YAF2: variants seen among roughly 807,000 people sequenced by gnomAD.
The protein encoded by YAF2 is YY1-associated factor 2.
Under a neutral mutation model 20.1 loss-of-function variants are expected in YAF2, and 7 were observed. The observed-to-expected ratio is 0.35, with a 90% CI of 0.20 to 0.65. The LOEUF (loss-of-function observed/expected upper bound fraction) is 0.65, where lower values mean the gene tolerates loss of function less well. Among genes scored for constraint, YAF2 ranks in the 30% least tolerant of loss-of-function variants. The pLI is 0.69. For missense variants in YAF2, 151 were observed against 219.2 expected, an observed-to-expected ratio of 0.69 and a Z score of 1.96; for synonymous variants, 74 against 76.0, an observed-to-expected ratio of 0.97 and a Z score of 0.14.
rs192275824 is a variant in YAF2, at chr12:42,230,171, C to T, written c.152+7428G>A. 8.1e-4 allele frequency among the ~76,000 whole-genome samples: 124 copies of T among 152,210 alleles called. 2 individuals carry two copies. The highest frequency in any genetic ancestry group is 5.9e-5 in the Non-Finnish European group (4 of 68,006). ...ACTCAGGAGGCTGAGGCAGGAGAAT[C>T]GCTCAAATCTGGGAGGCGGAGATTG... On this transcript the variant is annotated intron_variant, in intron 2 of 3. Coordinates refer to ENST00000534854, the MANE Select transcript of YAF2 (RefSeq NM_005748.6).
At position 42,159,070 on chromosome 12, in the gene YAF2, G is replaced by A. The variant is rs919565201; in HGVS notation, c.*1519C>T. 35 of 152,166 alleles carry A rather than the reference G, an allele frequency of 2.3e-4. No homozygotes were observed. Among genetic ancestry groups the A allele is most frequent in the African/African-American group, 8.2e-4 (34 of 41,542 alleles). 9.4% of individuals were successfully genotyped at this position (152,166 alleles called of 1,614,324 possible). ...AATGTTTTAATCACAGACTTTTACT[G>A]TATGCAATTAATTGTATTTCACAAC... On this transcript the variant is annotated 3_prime_UTR_variant, in exon 4 of 4. Transcript: ENST00000534854.
At chr12:42,165,540 T>C (rs187892712) in intron 2 of YAF2, among the ~76,000 whole-genome samples, 1 of 152,090 alleles carries the variant, frequency 6.6e-6, no homozygotes, top group Non-Finnish European at 1.5e-5. Context: ...CTCAGGTCAC[T>C]GCAAGCTCTG....
intron 2 of YAF2, among the ~76,000 whole-genome samples, chr12:42,212,248 A>G (rs533959625): frequency 2.0e-5 from 3 of 152,328 alleles, no homozygotes; most frequent in Non-Finnish European, 4.4e-5. Flanking sequence ...AAATCTCTCC[A>G]AAAGAAATTT....
chr12:42,187,814 A>T (rs1156496486), intron 2 of YAF2, among the ~76,000 whole-genome samples: 1 of 152,174 alleles, frequency 6.6e-6, no homozygotes, highest in Non-Finnish European at 1.5e-5. Context: ...GACTTGTATA[A>T]CCAGGACACT....
At chr12:42,218,031 T>C (rs1192884149) in intron 2 of YAF2, among the ~76,000 whole-genome samples, 4 of 152,178 alleles carry the variant, frequency 2.6e-5, no homozygotes, top group Non-Finnish European at 5.9e-5. Flanking sequence ...TCTTTAACTA[T>C]GGCAAACAGT....
intron 2 of YAF2, among the ~76,000 whole-genome samples, chr12:42,186,639 T>C (rs2066482228): frequency 6.6e-6 from 1 of 151,858 alleles, no homozygotes; most frequent in Non-Finnish European, 1.5e-5. Context: ...ATCATGCCAT[T>C]GCACTCTAGC....
intron 2 of YAF2, among the ~76,000 whole-genome samples, chr12:42,224,453 G>A (rs1039186625): frequency 2.0e-5 from 3 of 152,096 alleles, no homozygotes; most frequent in Admixed American, 6.5e-5. Flanking sequence ...AGGTATACAC[G>A]TGCCATAGTG....
chr12:42,191,661 CA>C (rs1275404416), intron 2 of YAF2, among the ~76,000 whole-genome samples: 1 of 152,182 alleles, frequency 6.6e-6, no homozygotes, highest in Non-Finnish European at 1.5e-5. Flanking sequence ...CCAAGCATCA[CA>C]CTTAGTGTTA....
At chr12:42,218,185 AACACACACACACAC>A (rs71883885) in intron 2 of YAF2, among the ~76,000 whole-genome samples, 291 of 140,694 alleles carry the variant, frequency 2.1e-3, no homozygotes, top group African/African-American at 7.1e-3. Context: ...GCTACTAGGA[AACACACACACACAC>A]ACACACACAC....
At chr12:42,171,679 C>T (rs144187352) in intron 2 of YAF2, among the ~76,000 whole-genome samples, 43 of 152,030 alleles carry the variant, frequency 2.8e-4, no homozygotes, top group African/African-American at 8.9e-4. Context: ...TCTGGCTGGG[C>T]GTGGTAGCTC....
At chr12:42,210,302 A>C in intron 2 of YAF2, 1 of 1,249,890 alleles carries the variant, frequency 8.0e-7, no homozygotes, top group Non-Finnish European at 1.1e-6. Context: ...TTCTCAAGGG[A>C]CAAAATTTGG....
At chr12:42,234,987 CAAAAA>C in intron 2 of YAF2, 1 of 983,956 alleles carries the variant, frequency 1.0e-6, no homozygotes, top group Non-Finnish European at 1.2e-6. Flanking sequence ...GATCTTATCT[CAAAAA>C]AGAAAAAAGA....
intron 2 of YAF2, among the ~76,000 whole-genome samples, chr12:42,178,300 T>C (rs1270649267): frequency 6.6e-5 from 10 of 152,246 alleles, no homozygotes; most frequent in Middle Eastern, 6.8e-3. Flanking sequence ...CCCAGACCAA[T>C]TGAATAAAAG....
intron 2 of YAF2, among the ~76,000 whole-genome samples, chr12:42,205,674 T>C (rs1027599034): frequency 2.0e-5 from 3 of 152,070 alleles, no homozygotes; most frequent in African/African-American, 4.8e-5. Context: ...TGCCCGGTCA[T>C]TGCTGATTAT....
chr12:42,233,470 C>T, intron 2 of YAF2: 3 of 983,280 alleles, frequency 3.1e-6, no homozygotes, highest in Non-Finnish European at 3.6e-6. Flanking sequence ...CACCCTCATA[C>T]AGACTATCCT....
At chr12:42,175,385 A>C (rs1405437492) in intron 2 of YAF2, among the ~76,000 whole-genome samples, 1 of 152,062 alleles carries the variant, frequency 6.6e-6, no homozygotes, top group African/African-American at 2.4e-5. Flanking sequence ...AGGAGGGAGG[A>C]ATTAAAAATG....
chr12:42,210,730 G>A lies in YAF2; in HGVS notation c.152+26869C>T, dbSNP rs1160680350. On this transcript the variant is annotated intron_variant, in intron 2 of 3. Transcript: ENST00000534854. ...ATTTTATTTGAGATTATTATCACAC[G>A]TAGAACTACAGAAGAAAGCATAAAT... 47 of 1,476,158 alleles carry A rather than the reference G, an allele frequency of 3.2e-5. No individual in the cohort carries two copies. The Admixed American group carries it at 4.7e-4, about 15-fold the overall frequency. The allele number at this position is 1,476,158 out of a possible 1,614,324, so 91.4% of individuals were successfully genotyped here. A position where few individuals can be genotyped will look rare whatever the true frequency, so the allele number is the denominator to read the frequency against.
chr12:42,209,009 T>C (rs1163377307), intron 2 of YAF2, among the ~76,000 whole-genome samples: 1 of 152,098 alleles, frequency 6.6e-6, no homozygotes, highest in Non-Finnish European at 1.5e-5. Flanking sequence ...TAATACAAAA[T>C]GAGTGGGAGA....
chr12:42,237,837 C>G, intron 1 of YAF2, 113 bp from the exon 2 acceptor site: 1 of 932,098 alleles, frequency 1.1e-6, no homozygotes, highest in Non-Finnish European at 1.3e-6. Flanking sequence ...CTGCGACCCC[C>G]GCCCCGCGGG....
Sources: gnomAD v4.1 joint callset for allele counts (sites outside exome capture counted in the v4.1 genomes callset) on GRCh38, gnomAD v4.1.1 for gene constraint, MANE v1.5 for transcripts, NCBI Gene and HGNC (gene_info 2026-07-23, HGNC 2026-07-21) for gene names.